The following TMED2 variants were observed in gnomAD, a reference collection of about 807,000 sequenced individuals.
The protein encoded by TMED2 is transmembrane emp24 domain-containing protein 2.
In TMED2, 3 loss-of-function variants were observed where a neutral mutation model predicts 17.5. That is an observed-to-expected ratio of 0.17 (90% CI 0.08 to 0.44). TMED2 has a LOEUF of 0.44. TMED2 is among the 20% of genes least tolerant of loss of function. TMED2 has a pLI of 0.99. For missense variants in TMED2, 149 were observed against 254.8 expected, an observed-to-expected ratio of 0.58 and a Z score of 2.83; for synonymous variants, 95 against 91.0, an observed-to-expected ratio of 1.04 and a Z score of -0.25.
At chr12:123,585,118 T>G in intron 1 of TMED2, 1 of 330,476 alleles carries the variant, frequency 3.0e-6, no homozygotes, top group Non-Finnish European at 5.8e-6. Context: ...GCTTTGTGAA[T>G]CAGGCGCCGC....
intron 1 of TMED2, 154 bp from the exon 2 acceptor site, chr12:123,586,582 TCAAGTGATCTG>T: frequency 1.9e-6 from 1 of 524,080 alleles, no homozygotes; most frequent in South Asian, 3.4e-5. Flanking sequence ...ACTCCTGACC[TCAAGTGATCTG>T]CCTGCCTTGG....
At chr12:123,588,551 CT>C (rs1191849267) in intron 2 of TMED2, among the ~76,000 whole-genome samples, 10 of 152,156 alleles carry the variant, frequency 6.6e-5, no homozygotes, top group Admixed American at 5.2e-4. Flanking sequence ...TATTGAACTT[CT>C]TAGATAATTT....
At chr12:123,588,660 G>A (rs1243111187) in intron 2 of TMED2, among the ~76,000 whole-genome samples, 3 of 152,214 alleles carry the variant, frequency 2.0e-5, no homozygotes, top group African/African-American at 7.2e-5. Context: ...TCTCAAGTGA[G>A]GATGCCCAGG....
chr12:123,591,532 C>G (rs887104608), intron 3 of TMED2, among the ~76,000 whole-genome samples: 1 of 152,116 alleles, frequency 6.6e-6, no homozygotes, highest in Non-Finnish European at 1.5e-5. Flanking sequence ...GCCTGTAATC[C>G]TAGCACTTTG....
intron 3 of TMED2, among the ~76,000 whole-genome samples, chr12:123,594,710 AAACC>A: frequency 6.7e-6 from 1 of 150,374 alleles, no homozygotes; most frequent in Middle Eastern, 3.4e-3. Context: ...TAACATGGAG[AAACC>A]GCATCTCTAC....
At chr12:123,593,455 T>C (rs1303356808) in intron 3 of TMED2, among the ~76,000 whole-genome samples, 1 of 152,210 alleles carries the variant, frequency 6.6e-6, no homozygotes, top group African/African-American at 2.4e-5. Context: ...AACTGTGATT[T>C]TGAAATAATT....
intron 3 of TMED2, among the ~76,000 whole-genome samples, chr12:123,592,417 G>T (rs1002241193): frequency 1.4e-5 from 2 of 143,292 alleles, no homozygotes; most frequent in African/African-American, 5.2e-5. Flanking sequence ...GAAGTTCTTG[G>T]GAACACAGTG....
Position 123,586,952 on chromosome 12 carries a change from T to C in TMED2, c.373+13T>C, listed in dbSNP as rs1953352284. The stretch of plus-strand genomic sequence containing the variant: ...ATGGAAACAGAAGGTGAGATGAACA[T>C]TCAGAAGATTTACATCACATTCCAA... On this transcript the variant is annotated intron_variant, in intron 2 of 3. Coordinates refer to ENST00000262225, the MANE Select transcript of TMED2 (RefSeq NM_006815.4). 6.4e-7 allele frequency: 1 copy of C among 1,571,714 alleles called. No individual in the cohort carries two copies. Among genetic ancestry groups the C allele is most frequent in the African/African-American group, 1.4e-5 (1 of 71,330 alleles).
chr12:123,586,769 G>A lies in TMED2; in HGVS notation c.203G>A (p.Gly68Glu), dbSNP rs145914169. ...DVEITGPDNKGIYKGDRESSG... is the reference protein window; with the variant it reads ...DVEITGPDNKEIYKGDRESSG... ...CAGATTACAGGACCAGATAACAAAG[G>A]AATTTACAAAGGAGACAGAGAATCC... The change falls in exon 2 of 4, where the codon GGA (glycine) becomes GAA (glutamate). Residue 68 changes from glycine to glutamate, a missense_variant. Physicochemically the swap from Gly to Glu is moderately conservative, Grantham distance 98. Coordinates refer to ENST00000262225, the MANE Select transcript of TMED2 (RefSeq NM_006815.4). 13 of 1,602,438 alleles carry A rather than the reference G, an allele frequency of 8.1e-6. No homozygotes were observed. In the African/African-American group the frequency reaches 1.5e-4, roughly 18 times the overall value.
At position 123,598,375 on chromosome 12, in the gene TMED2, A is replaced by T. The variant is rs1056132; in HGVS notation, c.*1646A>T. The T allele has an allele frequency of 1.3e-5, 2 of 152,028 alleles. No individual in the cohort carries two copies. Among genetic ancestry groups the T allele is most frequent in the Non-Finnish European group, 2.9e-5 (2 of 68,004 alleles). 9.4% of individuals were successfully genotyped at this position (152,028 alleles called of 1,614,324 possible). ...GTGCTAAAATCTTAAGTATTTTTCT[A>T]TTTGGGAAAAAAGGGTTGAATTATT... On this transcript the variant is annotated 3_prime_UTR_variant, in exon 4 of 4. Transcript: ENST00000262225.
At chr12:123,588,263 G>C (rs1462984147) in intron 2 of TMED2, among the ~76,000 whole-genome samples, 1 of 151,750 alleles carries the variant, frequency 6.6e-6, no homozygotes, top group Non-Finnish European at 1.5e-5. Context: ...ACATTTCATA[G>C]TATACTATTA....
In TMED2 at chr12:123,596,841, T is replaced by C. The variant is rs1261631722; in HGVS notation, c.*112T>C. On this transcript the variant is annotated 3_prime_UTR_variant, in exon 4 of 4. Transcript: ENST00000262225. ...ATTTTCTGAACTGTACATTCACAAC[T>C]TATGTTTCTTTGAGATTAATAGATA... 3.9e-6 allele frequency: 5 copies of C among 1,286,372 alleles called. No individual in the cohort carries two copies. The highest frequency in any genetic ancestry group is 4.3e-5 in the South Asian group (2 of 46,034). 79.7% of individuals were successfully genotyped at this position (1,286,372 alleles called of 1,614,324 possible). A position where few individuals can be genotyped will look rare whatever the true frequency, so the allele number is the denominator to read the frequency against.
intron 3 of TMED2, among the ~76,000 whole-genome samples, chr12:123,594,395 A>G (rs1421650486): frequency 6.6e-6 from 1 of 151,884 alleles, no homozygotes; most frequent in African/African-American, 2.4e-5. Flanking sequence ...CGACCTCACA[A>G]AGTGCTGGGA....
chr12:123,596,552 G>A, intron 3 of TMED2, 53 bp from the exon 4 acceptor site: 1 of 1,567,738 alleles, frequency 6.4e-7, no homozygotes, highest in Non-Finnish European at 8.6e-7. Flanking sequence ...TGATGCCTAT[G>A]TCTTTTTGGG....
intron 2 of TMED2, among the ~76,000 whole-genome samples, chr12:123,590,053 C>G (rs956283023): frequency 4.1e-4 from 62 of 151,634 alleles, no homozygotes; most frequent in Non-Finnish European, 1.6e-4. Context: ...GAGGCTCAAG[C>G]AGGTGGATCA....
At chr12:123,586,610 A>G in intron 1 of TMED2, 137 bp from the exon 2 acceptor site, 1 of 824,232 alleles carries the variant, frequency 1.2e-6, no homozygotes, top group Non-Finnish European at 1.8e-6. Flanking sequence ...TTGGCCTCCC[A>G]AAGTGCTGTG....
chr12:123,591,389 A>G (rs964169199), intron 3 of TMED2, among the ~76,000 whole-genome samples: 2 of 152,234 alleles, frequency 1.3e-5, no homozygotes, highest in East Asian at 3.8e-4. Context: ...ATTTAAAATT[A>G]AGAGGTACTA....
rs1252894548 is a variant in TMED2, at chr12:123,598,571, A to C, written c.*1842A>C. The C allele has an allele frequency of 2.0e-5, 3 of 152,196 alleles. No homozygotes were observed. The East Asian group carries it at 5.8e-4, about 29-fold the overall frequency. The allele number at this position is 152,196 out of a possible 1,614,324, so 9.4% of individuals were successfully genotyped here. On this transcript the variant is annotated 3_prime_UTR_variant, in exon 4 of 4. Transcript: ENST00000262225. ...CGGCCTGCTGGTAATAAAAGTAGCT[A>C]CCATTTCTTGAGTACTGTGTAATGT...
chr12:123,588,903 G>C (rs910613964), intron 2 of TMED2, among the ~76,000 whole-genome samples: 35 of 152,294 alleles, frequency 2.3e-4, no homozygotes, highest in African/African-American at 8.4e-4. Context: ...TTTCGAGTGA[G>C]GGACGGTTTG....
Sources: gnomAD v4.1 joint callset for allele counts (sites outside exome capture counted in the v4.1 genomes callset) on GRCh38, gnomAD v4.1.1 for gene constraint, MANE v1.5 for transcripts, NCBI Gene and HGNC (gene_info 2026-07-23, HGNC 2026-07-21) for gene names.